INPP4B: variants seen among roughly 807,000 people sequenced by gnomAD.
INPP4B encodes inositol polyphosphate-4-phosphatase type II B, also known as inositol polyphosphate 4-phosphatase type II.
In INPP4B, 55 loss-of-function variants were observed where a neutral mutation model predicts 122.5. The ratio of observed to expected loss-of-function variants is 0.45; its 90% CI spans 0.36 to 0.56. The LOEUF (loss-of-function observed/expected upper bound fraction) is 0.56. INPP4B is among the 20% of genes least tolerant of loss of function. The pLI is 0.00. For synonymous variants in INPP4B, 403 were observed against 388.7 expected, an observed-to-expected ratio of 1.04 and a Z score of -0.43; for missense variants, 1,000 against 1,097.7, an observed-to-expected ratio of 0.91 and a Z score of 1.26.
chr4:142,262,765 A>G (rs1404647229), intron 10 of INPP4B, among the ~76,000 whole-genome samples: 1 of 152,142 alleles, frequency 6.6e-6, no homozygotes, highest in African/African-American at 2.4e-5. Context: ...AAGGCTTATT[A>G]TAATATTTTC....
At position 142,281,783 on chromosome 4, in the gene INPP4B, T is replaced by C. The variant is rs1318272617; in HGVS notation, c.504-11009A>G. Among the ~76,000 whole-genome samples, 6 of 152,180 alleles carry C rather than the reference T, an allele frequency of 3.9e-5. No individual in the cohort carries two copies. The East Asian group carries it at 1.2e-3, about 29-fold the overall frequency. On this transcript the variant is annotated intron_variant, in intron 9 of 25. Transcript: ENST00000262992. ...CCTGTATTTTTATGCTTAATTGCAT[T>C]AGGATTTGTTTTAAATGTTTGTCAC... is the stretch of plus-strand genomic sequence containing the variant.
chr4:142,382,352 TACA>T (rs1374443284), intron 7 of INPP4B, among the ~76,000 whole-genome samples: 2 of 151,388 alleles, frequency 1.3e-5, no homozygotes, highest in African/African-American at 4.9e-5. Context: ...CTACTGAAAA[TACA>T]ACAACTAGCT....
chr4:142,560,626 AG>A lies in INPP4B; in HGVS notation c.-190-97901del, dbSNP rs542867091. The A allele has an allele frequency of 9.2e-4, 140 of 152,372 alleles. 2 individuals carry two copies. Among genetic ancestry groups the A allele is most frequent in the African/African-American group, 3.3e-3 (136 of 41,576 alleles). 9.4% of individuals were successfully genotyped at this position (152,372 alleles called of 1,614,324 possible). A position where few individuals can be genotyped will look rare whatever the true frequency, so the allele number is the denominator to read the frequency against. ...ACTGGTGTAAGTCCAAGAGCCCAAAAGCTGAAAAACATGGATTCTGATGTTC... is the reference window on the plus strand; with the variant it reads ...ACTGGTGTAAGTCCAAGAGCCCAAAACTGAAAAACATGGATTCTGATGTTC... On this transcript the variant is annotated intron_variant, in intron 2 of 25. Transcript: ENST00000262992.
chr4:142,841,194 A>G (rs1783440246), intron 1 of INPP4B, among the ~76,000 whole-genome samples: 1 of 152,050 alleles, frequency 6.6e-6, no homozygotes, highest in Non-Finnish European at 1.5e-5. Flanking sequence ...GTGTTAACTG[A>G]TCACTAACAG....
At chr4:142,097,285 G>A (rs565182755) in intron 23 of INPP4B, among the ~76,000 whole-genome samples, 38 of 75,864 alleles carry the variant, frequency 5.0e-4, no homozygotes, top group African/African-American at 1.2e-3. Flanking sequence ...ACGGAGTTTC[G>A]CTCTTGTTGC....
intron 1 of INPP4B, among the ~76,000 whole-genome samples, chr4:142,768,297 C>G (rs540394210): frequency 2.6e-5 from 4 of 152,292 alleles, no homozygotes; most frequent in East Asian, 1.9e-4. Context: ...AAAGACTGCT[C>G]TCAGTCTCTT....
intron 3 of INPP4B, among the ~76,000 whole-genome samples, chr4:142,446,815 CTT>C (rs1179546364): frequency 1.3e-5 from 2 of 152,160 alleles, no homozygotes; most frequent in Admixed American, 6.5e-5. Context: ...AAACAATACT[CTT>C]TGGTTCTATA....
chr4:142,080,774 C>T (rs961602892), intron 25 of INPP4B, among the ~76,000 whole-genome samples: 3 of 152,102 alleles, frequency 2.0e-5, no homozygotes, highest in African/African-American at 4.8e-5. Flanking sequence ...TGTACCTGAC[C>T]TATAATATCA....
chr4:142,092,249 A>G (rs1446465478), intron 23 of INPP4B, among the ~76,000 whole-genome samples: 1 of 152,176 alleles, frequency 6.6e-6, no homozygotes, highest in African/African-American at 2.4e-5. Context: ...CATAAGAGAT[A>G]AGAGCAGCCT....
intron 1 of INPP4B, among the ~76,000 whole-genome samples, chr4:142,825,682 G>A (rs2151166642): frequency 6.6e-6 from 1 of 152,048 alleles, no homozygotes; most frequent in East Asian, 1.9e-4. Context: ...TATGGGGAGA[G>A]CTTTGTGGAA....
rs183282931 is a variant in INPP4B, at chr4:142,279,445, A to C, written c.504-8671T>G. 2.3e-3 allele frequency among the ~76,000 whole-genome samples: 343 copies of C among 152,014 alleles called. 2 individuals are homozygous for C. The highest frequency in any genetic ancestry group is 3.5e-3 in the Non-Finnish European group (235 of 67,850). Reference sequence around the variant, plus strand: ...TAGGACAGACAAACTGACAAATAGAAAATATAACCAATTGATTTTTGACAA... The same window carrying C: ...TAGGACAGACAAACTGACAAATAGACAATATAACCAATTGATTTTTGACAA... On this transcript the variant is annotated intron_variant, in intron 9 of 25. Transcript: ENST00000262992.
At chr4:142,205,966 A>G (rs1320406163) in intron 14 of INPP4B, among the ~76,000 whole-genome samples, 2 of 152,162 alleles carry the variant, frequency 1.3e-5, no homozygotes, top group African/African-American at 4.8e-5. Flanking sequence ...CTATAACATA[A>G]TATTATGGAT....
chr4:142,269,933 GTTTCT>G (rs1744932724), intron 10 of INPP4B, among the ~76,000 whole-genome samples: 2 of 152,168 alleles, frequency 1.3e-5, no homozygotes, highest in South Asian at 4.1e-4. Context: ...ACTACTAGCA[GTTTCT>G]AAGTCTACCC....
intron 1 of INPP4B, among the ~76,000 whole-genome samples, chr4:142,742,308 C>T (rs1768020779): frequency 6.6e-6 from 1 of 151,986 alleles, no homozygotes; most frequent in Admixed American, 6.6e-5. Flanking sequence ...TGCAGAGATG[C>T]TTGTGGGACC....
At chr4:142,055,465 T>C (rs1757119827) in intron 25 of INPP4B, among the ~76,000 whole-genome samples, 3 of 152,082 alleles carry the variant, frequency 2.0e-5, no homozygotes, top group Admixed American at 1.3e-4. Flanking sequence ...AGTTTTTTCC[T>C]ATTGTTTATC....
intron 25 of INPP4B, chr4:142,030,016 TAACA>T: frequency 7.2e-7 from 1 of 1,381,406 alleles, no homozygotes; most frequent in South Asian, 1.8e-5. Flanking sequence ...AAACACAATT[TAACA>T]TTTTTTAAAT....
intron 23 of INPP4B, among the ~76,000 whole-genome samples, chr4:142,094,225 A>G (rs1487830010): frequency 6.6e-6 from 1 of 152,206 alleles, no homozygotes; most frequent in African/African-American, 2.4e-5. Flanking sequence ...GAAAGGAAAC[A>G]GGAGTATGAG....
At chr4:142,836,144 C>T (rs1353698333) in intron 1 of INPP4B, among the ~76,000 whole-genome samples, 1 of 152,150 alleles carries the variant, frequency 6.6e-6, no homozygotes, top group Non-Finnish European at 1.5e-5. Context: ...AAATCTAATT[C>T]TCCTCAATTC....
intron 5 of INPP4B, 107 bp downstream of exon 5, chr4:142,429,066 C>A: frequency 1.7e-6 from 1 of 573,618 alleles, no homozygotes; most frequent in South Asian, 2.5e-5. Context: ...GAACAATGTT[C>A]ATAAAAATTT....
Sources: gnomAD v4.1 joint callset for allele counts (sites outside exome capture counted in the v4.1 genomes callset) on GRCh38, gnomAD v4.1.1 for gene constraint, MANE v1.5 for transcripts, NCBI Gene and HGNC (gene_info 2026-07-23, HGNC 2026-07-21) for gene names.